Variants in TNNT2 observed in about 807,000 individuals in gnomAD.
TNNT2 encodes troponin T2, cardiac type.
Under a neutral mutation model 62.4 loss-of-function variants are expected in TNNT2, and 34 were observed. The ratio of observed to expected loss-of-function variants is 0.54; its 90% CI spans 0.41 to 0.72. TNNT2 has a LOEUF of 0.72. Among genes scored for constraint, TNNT2 ranks in the 30% least tolerant of loss-of-function variants. The pLI is 0.00. For missense variants in TNNT2, 275 were observed against 381.9 expected, an observed-to-expected ratio of 0.72 and a Z score of 2.33; for synonymous variants, 123 against 127.2, an observed-to-expected ratio of 0.97 and a Z score of 0.22.
At chr1:201,369,133 T>G (rs1375401552) in intron 5 of TNNT2, among the ~76,000 whole-genome samples, 1 of 152,154 alleles carries the variant, frequency 6.6e-6, no homozygotes, top group Non-Finnish European at 1.5e-5. Flanking sequence ...GTGTCATTTC[T>G]CTATATAATA....
Position 201,363,657 on chromosome 1 carries a change from C to T in TNNT2, c.490-251G>A. ...TCATCCCCTTAAGCTGGGAGTGCCC[C>T]TGGAAGACCTGTTGCTCTGGAAATG... On this transcript the variant is annotated intron_variant, in intron 11 of 16. Coordinates refer to ENST00000656932, the MANE Select transcript of TNNT2 (RefSeq NM_001276345.2). The T allele has an allele frequency of 9.9e-6, 5 of 503,290 alleles. No homozygotes were observed. The East Asian group carries it at 1.1e-4, about 11-fold the overall frequency. 31.2% of individuals were successfully genotyped at this position (503,290 alleles called of 1,614,324 possible).
At chr1:201,370,827 G>C (rs991246227) in intron 4 of TNNT2, among the ~76,000 whole-genome samples, 2 of 152,232 alleles carry the variant, frequency 1.3e-5, no homozygotes, top group African/African-American at 4.8e-5. Flanking sequence ...TAAGGAAGTG[G>C]AAAATCCTCC....
At chr1:201,366,964 A>G (rs775397978) in intron 7 of TNNT2, 93 bp from the exon 8 acceptor site, 2 of 1,606,474 alleles carry the variant, frequency 1.2e-6, no homozygotes, top group Non-Finnish European at 1.7e-6. Flanking sequence ...GTGGATTTCC[A>G]TTTCCCCATC....
intron 4 of TNNT2, 131 bp downstream of exon 4, chr1:201,371,896 C>A (rs1660659430): frequency 1.6e-6 from 2 of 1,246,886 alleles, no homozygotes; most frequent in African/African-American, 3.0e-5. Context: ...TTAGAAGGCA[C>A]TGTTGTTGGA....
intron 5 of TNNT2, 124 bp downstream of exon 5, chr1:201,369,692 T>A: frequency 8.5e-7 from 1 of 1,176,016 alleles, no homozygotes; most frequent in East Asian, 2.3e-5. Flanking sequence ...AGGAAACGAC[T>A]GACCCACTCC....
intron 7 of TNNT2, chr1:201,367,517 T>C (rs1659876899): frequency 8.3e-6 from 5 of 599,542 alleles, no homozygotes; most frequent in South Asian, 2.0e-5. Context: ...CCCATTGCTC[T>C]GTCCAGACCA....
At chr1:201,361,842 A>AG in intron 14 of TNNT2, 71 bp downstream of exon 14, 1 of 1,397,050 alleles carries the variant, frequency 7.2e-7, no homozygotes, top group South Asian at 1.2e-5. Context: ...CACAGCAAGA[A>AG]GTGCCCTTGG....
intron 12 of TNNT2, 123 bp from the exon 13 acceptor site, chr1:201,362,517 C>T: frequency 7.7e-7 from 1 of 1,300,112 alleles, no homozygotes; most frequent in South Asian, 1.3e-5. Flanking sequence ...CAGATACTCG[C>T]TGTAGTCAGC....
intron 15 of TNNT2, chr1:201,360,572 A>ACCCTGTAGC (rs1658424332): frequency 6.5e-6 from 1 of 154,266 alleles, no homozygotes; most frequent in East Asian, 1.9e-4. Flanking sequence ...AGGTGGGAGT[A>ACCCTGTAGC]CCCTGTAGCC....
Position 201,365,224 on chromosome 1 carries a change from C to G in TNNT2, c.378G>C (p.Glu126Asp). The G allele has an allele frequency of 2.5e-6, 4 of 1,614,152 alleles. No individual in the cohort carries two copies. Among genetic ancestry groups the G allele is most frequent in the Non-Finnish European group, 3.4e-6 (4 of 1,179,986 alleles). Residue 126 changes from glutamate (E) to aspartate (D), a missense_variant, in exon 10 of 17, where the codon GAG becomes GAC. Physicochemically the swap from Glu to Asp is conservative, Grantham distance 45. Coordinates refer to ENST00000656932, the MANE Select transcript of TNNT2 (RefSeq NM_001276345.2). Reference protein sequence around the residue: ...IEAHFENRKKEEEELVSLKDR... With the variant: ...IEAHFENRKKDEEELVSLKDR... ...CTTTGAGAGAAACGAGCTCCTCCTC[C>G]TCTTTCTTCCTGTTCTCAAAGTGAG...
At position 201,362,786 on chromosome 1, in the gene TNNT2, G is replaced by A. The variant is rs75213433; in HGVS notation, c.601-392C>T. 1.1e-3 allele frequency among the ~76,000 whole-genome samples: 168 copies of A among 152,314 alleles called. No individual in the cohort carries two copies. The East Asian group carries it at 0.027, about 25-fold the overall frequency. On this transcript the variant is annotated intron_variant, in intron 12 of 16. Transcript: ENST00000656932. ...GAATGGGGCACAAAAGTTAGGGATC[G>A]AGAGTGAGTTTCCAGGAACAAACAA...
At chr1:201,361,247 A>C in intron 15 of TNNT2, 32 bp downstream of exon 15, 1 of 1,600,682 alleles carries the variant, frequency 6.2e-7, no homozygotes, top group Non-Finnish European at 8.6e-7. Context: ...TGTGAGATGG[A>C]GATGCTGGGC....
rs369377641 is a variant in TNNT2, at chr1:201,373,746, G to A, written c.-14-478C>T. ...GCACCACCATGCCCGACTAATTTTT[G>A]TATTTTTAGTAAAGCTGGGATTTTG... On this transcript the variant is annotated intron_variant, in intron 1 of 16. Coordinates refer to ENST00000656932, the MANE Select transcript of TNNT2 (RefSeq NM_001276345.2). The A allele has an allele frequency of 1.5e-5, 3 of 202,108 alleles. No homozygotes were observed. In the East Asian group the frequency reaches 3.6e-4, roughly 24 times the overall value. The allele number at this position is 202,108 out of a possible 1,614,324, so 12.5% of individuals were successfully genotyped here. A position where few individuals can be genotyped will look rare whatever the true frequency, so the allele number is the denominator to read the frequency against.
intron 9 of TNNT2, 150 bp from the exon 10 acceptor site, chr1:201,365,457 G>A (rs1659487028): frequency 8.4e-7 from 1 of 1,188,014 alleles, no homozygotes; most frequent in African/African-American, 1.5e-5. Flanking sequence ...CCTGAACCCA[G>A]GACCACGCTC....
intron 15 of TNNT2, 61 bp downstream of exon 15, chr1:201,361,217 AC>A: frequency 3.3e-6 from 5 of 1,509,080 alleles, no homozygotes; most frequent in Non-Finnish European, 3.7e-6. Context: ...GTATTACCGG[AC>A]CCAGTGAACC....
chr1:201,363,658 T>C, intron 11 of TNNT2: 1 of 501,706 alleles, frequency 2.0e-6, no homozygotes. Context: ...GGAGTGCCCC[T>C]GGAAGACCTG....
chr1:201,371,993 C>G, intron 4 of TNNT2, 34 bp downstream of exon 4: 1 of 1,613,956 alleles, frequency 6.2e-7, no homozygotes, highest in Non-Finnish European at 8.5e-7. Context: ...TGAGCCTGCC[C>G]CTTTCTGGCT....
chr1:201,363,097 A>C (rs1370224609), intron 12 of TNNT2, 199 bp downstream of exon 12: 2 of 985,190 alleles, frequency 2.0e-6, no homozygotes, highest in African/African-American at 3.5e-5. Flanking sequence ...CCCCTACCCC[A>C]GCAAGCCCCT....
intron 4 of TNNT2, among the ~76,000 whole-genome samples, chr1:201,370,294 C>T (rs1481659224): frequency 6.6e-6 from 1 of 152,188 alleles, no homozygotes; most frequent in Non-Finnish European, 1.5e-5. Flanking sequence ...TGCCCATGTT[C>T]CTGCTCTGAA....
Sources: allele counts gnomAD v4.1 joint callset (sites outside exome capture counted in the v4.1 genomes callset), GRCh38; gene constraint gnomAD v4.1.1; transcripts MANE v1.5; gene names NCBI Gene and HGNC (gene_info 2026-07-23, HGNC 2026-07-21).